The following NR3C1 variants were observed in gnomAD, a reference collection of about 807,000 sequenced individuals.
NR3C1 encodes glucocorticoid receptor.
A neutral mutation model predicts 74.0 loss-of-function variants in NR3C1; 14 were observed. That is an observed-to-expected ratio of 0.19 (90% CI 0.12 to 0.30). The LOEUF is 0.30. NR3C1 is among the 10% of genes least tolerant of loss of function. The pLI is 1.00. For synonymous variants in NR3C1, 308 were observed against 332.5 expected (o/e 0.93, Z 0.80); for missense variants, 695 against 909.8 (o/e 0.76, Z 3.04).
intron 4 of NR3C1, among the ~76,000 whole-genome samples, chr5:143,302,470 CATGTGCCA>C (rs925298479): frequency 1.3e-5 from 2 of 152,016 alleles, no homozygotes; most frequent in Non-Finnish European, 1.5e-5. Context: ...AGAGAACACA[CATGTGCCA>C]AATCAATACA....
At chr5:143,354,557 A>C (rs796839405) in intron 2 of NR3C1, among the ~76,000 whole-genome samples, 7 of 152,314 alleles carry the variant, frequency 4.6e-5, no homozygotes, top group African/African-American at 1.4e-4. Flanking sequence ...GGCCAGTTGG[A>C]AGAGCAGTCA....
At chr5:143,373,664 T>A (rs1009253422) in intron 2 of NR3C1, among the ~76,000 whole-genome samples, 2 of 151,408 alleles carry the variant, frequency 1.3e-5, no homozygotes, top group Non-Finnish European at 2.9e-5. Flanking sequence ...AGTTAAAACA[T>A]ATGAAACTAA....
chr5:143,387,327 C>T (rs1478372453), intron 2 of NR3C1, among the ~76,000 whole-genome samples: 2 of 152,108 alleles, frequency 1.3e-5, no homozygotes, highest in African/African-American at 4.8e-5. Context: ...TATATTGTGC[C>T]ATTTAAGATT....
At chr5:143,356,928 G>C (rs938453516) in intron 2 of NR3C1, among the ~76,000 whole-genome samples, 1 of 152,184 alleles carries the variant, frequency 6.6e-6, no homozygotes, top group African/African-American at 2.4e-5. Flanking sequence ...ATTTAAGTTA[G>C]ACTTCAGTCA....
intron 4 of NR3C1, among the ~76,000 whole-genome samples, chr5:143,306,461 A>G (rs1169184795): frequency 2.6e-5 from 4 of 152,248 alleles, no homozygotes; most frequent in Non-Finnish European, 5.9e-5. Context: ...TAAAGATTTT[A>G]TGTATACTGA....
intron 2 of NR3C1, among the ~76,000 whole-genome samples, chr5:143,332,202 G>T (rs1361508739): frequency 6.6e-6 from 1 of 151,856 alleles, no homozygotes; most frequent in Non-Finnish European, 1.5e-5. Flanking sequence ...CAAGCATTCA[G>T]AACATTAAAA....
chr5:143,307,539 A>G (rs1287397620), intron 4 of NR3C1, among the ~76,000 whole-genome samples: 1 of 152,210 alleles, frequency 6.6e-6, no homozygotes, highest in African/African-American at 2.4e-5. Context: ...CTTTATATGT[A>G]TTCAGAAAAG....
At chr5:143,298,522 T>A in intron 6 of NR3C1, 146 bp downstream of exon 6, 1 of 807,580 alleles carries the variant, frequency 1.2e-6, no homozygotes, top group Non-Finnish European at 2.1e-6. Context: ...CAAGCACTCA[T>A]AACTCTATTT....
chr5:143,434,832 C>G, exon 1 of NR3C1: 1 of 985,376 alleles, frequency 1.0e-6, no homozygotes, highest in Non-Finnish European at 1.2e-6. Context: ...ACGCAGATTC[C>G]TTTTTTCAGA....
At position 143,400,258 on chromosome 5, in the gene NR3C1, C is replaced by T; in HGVS notation, c.582G>A (p.Leu194=). ...ACCCAGAAGAAAACTCCAAATCCTGCAAAATGTCAAAGGTGCTTTGGTCTG... is the reference window on the plus strand; with the variant it reads ...ACCCAGAAGAAAACTCCAAATCCTGTAAAATGTCAAAGGTGCTTTGGTCTG... The part of the protein sequence containing the change: ...YTTDQSTFDI[L]QDLEFSSGSP... The change falls in exon 2 of 9, where the codon TTG becomes TTA. Residue 194 remains leucine (L), a synonymous_variant. Transcript: ENST00000394464. 1 of 1,596,826 alleles carries T rather than the reference C, an allele frequency of 6.3e-7. No homozygotes were observed. Among genetic ancestry groups the T allele is most frequent in the East Asian group, 2.2e-5 (1 of 44,748 alleles).
chr5:143,394,559 T>C (rs903400375), intron 2 of NR3C1, among the ~76,000 whole-genome samples: 1 of 151,982 alleles, frequency 6.6e-6, no homozygotes, highest in African/African-American at 2.4e-5. Flanking sequence ...AGTCATTAGA[T>C]TTTCATTTAT....
intron 1 of NR3C1, among the ~76,000 whole-genome samples, chr5:143,427,272 T>G (rs1751581053): frequency 6.6e-6 from 1 of 152,154 alleles, no homozygotes; most frequent in South Asian, 2.1e-4. Flanking sequence ...AGTTTTTTAA[T>G]AGTGAAAATA....
upstream of NR3C1, among the ~76,000 whole-genome samples, chr5:143,406,243 A>G (rs1285493607): frequency 6.6e-6 from 1 of 151,866 alleles, no homozygotes; most frequent in Non-Finnish European, 1.5e-5. Context: ...AATCCACCTC[A>G]TCGCTCATAC....
chr5:143,405,036 A>C, upstream of NR3C1: 1 of 800,012 alleles, frequency 1.2e-6, no homozygotes, highest in South Asian at 5.7e-5. Flanking sequence ...CCGTCCTGAG[A>C]AAGGAGAGGG....
intron 2 of NR3C1, among the ~76,000 whole-genome samples, chr5:143,386,845 C>G (rs1469517102): frequency 6.6e-6 from 1 of 152,186 alleles, no homozygotes; most frequent in Non-Finnish European, 1.5e-5. Flanking sequence ...CTGTGTATAA[C>G]CCAAATCCTC....
chr5:143,385,194 A>T (rs1836965389), intron 2 of NR3C1, among the ~76,000 whole-genome samples: 1 of 152,214 alleles, frequency 6.6e-6, no homozygotes, highest in Admixed American at 6.5e-5. Context: ...GGCTGCAGAG[A>T]GCAGCGCAAC....
chr5:143,413,747 A>G (rs748187780), intron 1 of NR3C1, among the ~76,000 whole-genome samples: 9 of 152,148 alleles, frequency 5.9e-5, no homozygotes, highest in Non-Finnish European at 1.2e-4. Context: ...ACCAATAACT[A>G]TGACCAAGGG....
chr5:143,403,201 C>G lies in NR3C1; in HGVS notation c.-14+10G>C, dbSNP rs1840684213. ...AGCGCGCCCCGGCCCCCTCCCGCCT[C>G]GCTTCTTACCTCTGGCAGAGGAGCC... On this transcript the variant is annotated intron_variant, in intron 1 of 8. Transcript: ENST00000394464. The G allele has an allele frequency of 1.0e-6, 1 of 984,956 alleles. No homozygotes were observed. Among genetic ancestry groups the G allele is most frequent in the African/African-American group, 1.8e-5 (1 of 57,112 alleles). 61.0% of individuals were successfully genotyped at this position (984,956 alleles called of 1,614,324 possible). A position where few individuals can be genotyped will look rare whatever the true frequency, so the allele number is the denominator to read the frequency against.
intron 2 of NR3C1, among the ~76,000 whole-genome samples, chr5:143,325,203 T>G (rs1824304025): frequency 6.6e-6 from 1 of 152,184 alleles, no homozygotes; most frequent in Non-Finnish European, 1.5e-5. Context: ...GAGGTTTAAT[T>G]GGACTTAGAG....
Sources: allele counts gnomAD v4.1 joint callset (sites outside exome capture counted in the v4.1 genomes callset), GRCh38; gene constraint gnomAD v4.1.1; transcripts MANE v1.5; gene names NCBI Gene and HGNC (gene_info 2026-07-23, HGNC 2026-07-21).